ANXA4: variants seen among roughly 807,000 people sequenced by gnomAD.
The protein encoded by ANXA4 is 35-beta calcimedin.
In ANXA4, 39 loss-of-function variants were observed where a neutral mutation model predicts 49.8. The ratio of observed to expected loss-of-function variants is 0.78; its 90% CI spans 0.61 to 1.02. The LOEUF is 1.02. ANXA4 is among the 50% of genes least tolerant of loss of function. The pLI is 0.00. For synonymous variants in ANXA4, 134 were observed against 152.5 expected (o/e 0.88, Z 0.89); for missense variants, 360 against 410.1 (o/e 0.88, Z 1.05).
At chr2:69,651,828 GGC>G (rs1368013557) in intron 1 of ANXA4, among the ~76,000 whole-genome samples, 7,459 of 43,202 alleles carry the variant, frequency 0.17, 1,079 homozygotes, top group East Asian at 0.59. Flanking sequence ...GGGGGGGGGG[GGC>G]GGGGAGACAG....
chr2:69,796,516 T>A (rs186651203), intron 3 of ANXA4, among the ~76,000 whole-genome samples: 1 of 152,352 alleles, frequency 6.6e-6, no homozygotes, highest in Admixed American at 6.5e-5. Context: ...CAGCTCTCCA[T>A]GTGAAGTCAA....
Position 69,726,928 on chromosome 2 carries a change from G to A in ANXA4, n.864+6057G>A, listed in dbSNP as rs1015673517. ...TACAGGGTCTTGTTCTGTCGCCCAG[G>A]CTGGAGTGCAGTGGCATGATCCTGG... On this transcript the variant is annotated intron_variant and non_coding_transcript_variant, in intron 3 of 3. Transcript: ENST00000418066. Among the ~76,000 whole-genome samples the A allele has an allele frequency of 3.3e-5, 5 of 152,272 alleles. No homozygotes were observed. In the South Asian group the frequency reaches 1.0e-3, roughly 32 times the overall value.
chr2:69,741,709 C>T (rs572868825), upstream of ANXA4, among the ~76,000 whole-genome samples: 3 of 152,342 alleles, frequency 2.0e-5, no homozygotes, highest in South Asian at 6.2e-4. Context: ...TCCGGCTTGG[C>T]GCGGAGCTGG....
intron 3 of ANXA4, among the ~76,000 whole-genome samples, chr2:69,721,905 T>C (rs1404641146): frequency 6.6e-6 from 1 of 152,158 alleles, no homozygotes; most frequent in Non-Finnish European, 1.5e-5. Flanking sequence ...CAAGTTAGGA[T>C]GAAAATGGAA....
intron 1 of ANXA4, among the ~76,000 whole-genome samples, chr2:69,759,416 A>G (rs1233746420): frequency 6.6e-6 from 1 of 152,230 alleles, no homozygotes; most frequent in Non-Finnish European, 1.5e-5. Context: ...AGTTGATTTA[A>G]TAATCTACAA....
At chr2:69,782,771 C>G (rs1672253690) in intron 2 of ANXA4, among the ~76,000 whole-genome samples, 1 of 152,230 alleles carries the variant, frequency 6.6e-6, no homozygotes, top group African/African-American at 2.4e-5. Flanking sequence ...TCACAGCTTT[C>G]CTACAAATGA....
At chr2:69,670,438 CA>C (rs748196181) in intron 2 of ANXA4, among the ~76,000 whole-genome samples, 5,327 of 44,792 alleles carry the variant, frequency 0.12, 75 homozygotes, top group African/African-American at 0.13. Context: ...GACTCAATCT[CA>C]AAAAAAAAAA....
intron 2 of ANXA4, among the ~76,000 whole-genome samples, chr2:69,704,182 A>G (rs1288969703): frequency 6.6e-6 from 1 of 152,198 alleles, no homozygotes; most frequent in African/African-American, 2.4e-5. Context: ...TAGAGATTTT[A>G]TATTTTCTTT....
At chr2:69,807,623 A>T in intron 5 of ANXA4, among the ~76,000 whole-genome samples, 1 of 152,220 alleles carries the variant, frequency 6.6e-6, no homozygotes, top group African/African-American at 2.4e-5. Flanking sequence ...AGAGCAGAAG[A>T]GGTCAAGGAA....
chr2:69,794,493 GTATGTTATGTTATAT>G (rs1432796685), intron 3 of ANXA4, among the ~76,000 whole-genome samples: 3,818 of 110,284 alleles, frequency 0.035, 188 homozygotes, highest in African/African-American at 0.1. Flanking sequence ...CTGAGGGCTG[GTATGTTATGTTATAT>G]TATGTTATGT....
intron 3 of ANXA4, among the ~76,000 whole-genome samples, chr2:69,790,822 A>G (rs1300245215): frequency 6.6e-6 from 1 of 152,214 alleles, no homozygotes; most frequent in African/African-American, 2.4e-5. Flanking sequence ...TTTAAAATGT[A>G]GGCAAGAACT....
At chr2:69,662,442 G>A (rs1235861997) in intron 2 of ANXA4, among the ~76,000 whole-genome samples, 1 of 151,854 alleles carries the variant, frequency 6.6e-6, no homozygotes, top group African/African-American at 2.4e-5. Flanking sequence ...CCTGAGTGGG[G>A]AGGGGTGGGA....
At position 69,784,295 on chromosome 2, in the gene ANXA4, G is replaced by A. The variant is rs1194662059; in HGVS notation, c.9+2721G>A. 2.0e-5 allele frequency among the ~76,000 whole-genome samples: 3 copies of A among 152,236 alleles called. No homozygotes were observed. In the East Asian group the frequency reaches 5.8e-4, roughly 29 times the overall value. ...TCATTAAGAATGCTAACTGATAAAC[G>A]GAACCACCCTTGCCAATTCCTCTAT... On this transcript the variant is annotated intron_variant, in intron 2 of 12. Transcript: ENST00000394295.
At position 69,806,503 on chromosome 2, in the gene ANXA4, G is replaced by A. The variant is rs763245258; in HGVS notation, c.306+5G>A. 12 of 1,610,328 alleles carry A rather than the reference G, an allele frequency of 7.5e-6. No individual in the cohort carries two copies. The highest frequency in any genetic ancestry group is 1.1e-5 in the South Asian group (1 of 91,006). ...GAGCTGCGAAGGGCCATGAAGGTCTGTGCTCTTCCTCTCGTGCTCTTGGTG... is the reference window on the plus strand; with the variant it reads ...GAGCTGCGAAGGGCCATGAAGGTCTATGCTCTTCCTCTCGTGCTCTTGGTG... On this transcript the variant is annotated splice_donor_5th_base_variant and intron_variant, in intron 5 of 12. Coordinates refer to ENST00000394295, the MANE Select transcript of ANXA4 (RefSeq NM_001153.5).
intron 3 of ANXA4, among the ~76,000 whole-genome samples, chr2:69,723,973 G>A (rs111540126): frequency 7.9e-4 from 120 of 152,294 alleles, no homozygotes; most frequent in African/African-American, 2.8e-3. Flanking sequence ...GTTGAAATGG[G>A]GCCGGGCGCG....
chr2:69,785,069 C>T (rs181336246), intron 2 of ANXA4, among the ~76,000 whole-genome samples: 8 of 152,242 alleles, frequency 5.3e-5, no homozygotes, highest in East Asian at 3.9e-4. Context: ...CATCCAATAA[C>T]GGGGCCCAAG....
At chr2:69,736,874 T>G (rs906474940) in intron 3 of ANXA4, among the ~76,000 whole-genome samples, 2 of 152,232 alleles carry the variant, frequency 1.3e-5, no homozygotes, top group African/African-American at 4.8e-5. Flanking sequence ...CCATCTTGGC[T>G]CACTGAAACC....
At chr2:69,771,731 G>A (rs1457121029) in intron 1 of ANXA4, among the ~76,000 whole-genome samples, 1 of 152,174 alleles carries the variant, frequency 6.6e-6, no homozygotes, top group Non-Finnish European at 1.5e-5. Flanking sequence ...TGGGCAATTT[G>A]TGTTACAGTG....
chr2:69,771,145 A>G (rs902666515), intron 1 of ANXA4, among the ~76,000 whole-genome samples: 2 of 150,954 alleles, frequency 1.3e-5, no homozygotes. Context: ...AATATTATTT[A>G]GGCAAAAATC....
Sources: allele counts gnomAD v4.1 joint callset (sites outside exome capture counted in the v4.1 genomes callset), GRCh38; gene constraint gnomAD v4.1.1; transcripts MANE v1.5; gene names NCBI Gene and HGNC (gene_info 2026-07-23, HGNC 2026-07-21).